Variants in LRRC4B observed in about 807,000 individuals in gnomAD.
LRRC4B encodes the protein leucine-rich repeat-containing protein 4B.
LRRC4B carries 1 observed loss-of-function variant against 7.3 expected under a neutral mutation model. The ratio of observed to expected loss-of-function variants is 0.14; its 90% CI spans 0.05 to 0.65. The LOEUF (loss-of-function observed/expected upper bound fraction) is 0.65. Among genes scored for constraint, LRRC4B ranks in the 30% least tolerant of loss-of-function variants. The pLI, the probability that LRRC4B is intolerant of heterozygous loss-of-function variation, is 0.84. For synonymous variants in LRRC4B, 500 were observed against 499.2 expected (o/e 1.00, Z -0.02); for missense variants, 730 against 1,041.6 (o/e 0.70, Z 4.12).
At chr19:50,543,852 CAAAAAAAAAAAAA>C (rs36044151) in intron 2 of LRRC4B, among the ~76,000 whole-genome samples, 2 of 83,382 alleles carry the variant, frequency 2.4e-5, no homozygotes, top group Non-Finnish European at 4.7e-5. Context: ...GCCTCCATCT[CAAAAAAAAAAAAA>C]AAAAAAAAGA....
intron 1 of LRRC4B, among the ~76,000 whole-genome samples, chr19:50,566,900 G>A (rs1390068078): frequency 6.6e-6 from 1 of 151,088 alleles, no homozygotes; most frequent in African/African-American, 2.4e-5. Flanking sequence ...GGGGAGAAAG[G>A]GGAGAGGCTG....
rs950181589 is a variant in LRRC4B, at chr19:50,556,801, G to A, written c.-35-7928C>T. On this transcript the variant is annotated intron_variant, in intron 1 of 2. Transcript: ENST00000652263. The surrounding 1 kb of genome is among the most constrained non-coding windows in gnomAD (Gnocchi z 4.2). ...GCTGGCACCCGAGGCAAGGAGCCCT[G>A]GGTCTCTAGGGAGGCAAGTGTGGGG... Among the ~76,000 whole-genome samples, 9 of 152,152 alleles carry A rather than the reference G, an allele frequency of 5.9e-5. No individual in the cohort carries two copies. The highest frequency in any genetic ancestry group is 1.2e-4 in the Non-Finnish European group (8 of 67,992).
intron 2 of LRRC4B, among the ~76,000 whole-genome samples, chr19:50,531,884 G>A (rs926807766): frequency 1.3e-5 from 2 of 152,180 alleles, no homozygotes; most frequent in South Asian, 2.1e-4. Context: ...CGAGCATGCA[G>A]TAATAGATAT....
At chr19:50,538,225 G>A (rs1422830870) in intron 2 of LRRC4B, among the ~76,000 whole-genome samples, 1 of 152,314 alleles carries the variant, frequency 6.6e-6, no homozygotes, top group South Asian at 2.1e-4. Flanking sequence ...ACCACTCCCA[G>A]ATAATTTTTG....
chr19:50,519,172 C>T lies in LRRC4B; in HGVS notation c.541G>A (p.Val181Met). The T allele has an allele frequency of 6.2e-7, 1 of 1,613,670 alleles. No homozygotes were observed. The highest frequency in any genetic ancestry group is 8.5e-7 in the Non-Finnish European group (1 of 1,179,976). ...ESIPSYAFNR[V>M]PSLRRLDLGE... is the part of the protein sequence containing the mutation. ...AGGTCCAGGCGCCGCAGCGAGGGCA[C>T]GCGGTTGAAGGCGTAGGAGGGGATG... The change falls in exon 3 of 3, where the codon GTG (valine) becomes ATG (methionine). Residue 181 changes from valine (V) to methionine (M), a missense_variant. Val to Met is a conservative substitution (Grantham distance 21, BLOSUM62 1). Transcript: ENST00000652263. This position sits in a 1 kb window ranked among gnomAD's most constrained non-coding sequence, Gnocchi z 8.1.
At chr19:50,542,952 G>T (rs1568728080) in intron 2 of LRRC4B, among the ~76,000 whole-genome samples, 4 of 152,118 alleles carry the variant, frequency 2.6e-5, no homozygotes, top group Admixed American at 2.6e-4. Flanking sequence ...GTCCCCGCGA[G>T]GTTCTTGCTG....
At chr19:50,534,951 C>G (rs1308355774) in intron 2 of LRRC4B, among the ~76,000 whole-genome samples, 1 of 152,124 alleles carries the variant, frequency 6.6e-6, no homozygotes, top group African/African-American at 2.4e-5. Flanking sequence ...TCACTGCAAC[C>G]TCTGCCTCCC....
At position 50,548,797 on chromosome 19, in the gene LRRC4B, G is replaced by A. The variant is rs536834749; in HGVS notation, c.42C>T (p.Pro14=). The A allele has an allele frequency of 8.5e-5, 129 of 1,515,384 alleles. No homozygotes were observed. Among genetic ancestry groups the A allele is most frequent in the South Asian group, 7.8e-4 (63 of 80,506 alleles). 93.9% of individuals were successfully genotyped at this position (1,515,384 alleles called of 1,614,324 possible). A position where few individuals can be genotyped will look rare whatever the true frequency, so the allele number is the denominator to read the frequency against. Residue 14 remains proline (P), a synonymous_variant, in exon 2 of 3, where the codon CCC becomes CCT. Coordinates refer to ENST00000652263, the MANE Select transcript of LRRC4B (RefSeq NM_001080457.2). The surrounding 1 kb of genome is among the most constrained non-coding windows in gnomAD (Gnocchi z 6.8). ...CCCCGTGGGGCCAGGACATCCTACCGGGCGGCAGCGGGGGGCACGGGGAGC... is the reference window on the plus strand; with the variant it reads ...CCCCGTGGGGCCAGGACATCCTACCAGGCGGCAGCGGGGGGCACGGGGAGC... ...ARGSPCPPLP[P]GRMSWPHGAL... is the part of the protein sequence containing the mutation.
intron 2 of LRRC4B, among the ~76,000 whole-genome samples, chr19:50,520,119 T>G (rs1980489205): frequency 7.3e-6 from 1 of 136,738 alleles, no homozygotes; most frequent in Non-Finnish European, 1.5e-5. Flanking sequence ...GGTGGGAGGA[T>G]TGCGTGAGCC....
Position 50,537,504 on chromosome 19 carries a change from C to T in LRRC4B, c.297+11038G>A, listed in dbSNP as rs890551557. 3.9e-5 allele frequency among the ~76,000 whole-genome samples: 6 copies of T among 152,132 alleles called. No homozygotes were observed. The highest frequency in any genetic ancestry group is 7.4e-5 in the Non-Finnish European group (5 of 68,026). Reference sequence around the variant, plus strand: ...AGCGTCATTCGTGGAGGGGAGAACGCGGGTCTTGTGCCTCTCAGGACTCGC... The same window carrying T: ...AGCGTCATTCGTGGAGGGGAGAACGTGGGTCTTGTGCCTCTCAGGACTCGC... On this transcript the variant is annotated intron_variant, in intron 2 of 2. Transcript: ENST00000652263. This position sits in a 1 kb window ranked among gnomAD's most constrained non-coding sequence, Gnocchi z 5.5.
intron 2 of LRRC4B, among the ~76,000 whole-genome samples, chr19:50,526,470 G>A (rs953905192): frequency 2.0e-5 from 3 of 152,190 alleles, no homozygotes; most frequent in Non-Finnish European, 4.4e-5. Flanking sequence ...GAGTCCAGGT[G>A]CCTCCAGGGA....
chr19:50,550,370 C>T (rs1205141108), intron 1 of LRRC4B, among the ~76,000 whole-genome samples: 1 of 152,004 alleles, frequency 6.6e-6, no homozygotes, highest in Non-Finnish European at 1.5e-5. Flanking sequence ...CCCAAGAGAC[C>T]AGGAGGAGGG....
chr19:50,548,489 T>G lies in LRRC4B; in HGVS notation c.297+53A>C. ...CCAGAAGGGATGGGCTACATCTGCA[T>G]GCCTCCCCAGTGTCCCCTCCAAGGT... On this transcript the variant is annotated intron_variant, in intron 2 of 2. Transcript: ENST00000652263. The surrounding 1 kb of genome is among the most constrained non-coding windows in gnomAD (Gnocchi z 6.8). 3 of 1,546,902 alleles carry G rather than the reference T, an allele frequency of 1.9e-6. No individual in the cohort carries two copies. Among genetic ancestry groups the G allele is most frequent in the Non-Finnish European group, 2.6e-6 (3 of 1,153,186 alleles).
chr19:50,540,826 T>G (rs1981506864), intron 2 of LRRC4B, among the ~76,000 whole-genome samples: 1 of 151,844 alleles, frequency 6.6e-6, no homozygotes, highest in African/African-American at 2.4e-5. Flanking sequence ...TCCCACTGAT[T>G]CTACATTATA....
intron 1 of LRRC4B, among the ~76,000 whole-genome samples, chr19:50,549,822 C>T (rs1313841215): frequency 6.6e-6 from 1 of 152,104 alleles, no homozygotes; most frequent in Non-Finnish European, 1.5e-5. Flanking sequence ...CGATGGGACT[C>T]ATGCCAGCTG....
In LRRC4B at chr19:50,553,293, T is replaced by A. The variant is rs1818821826; in HGVS notation, c.-35-4420A>T. ...TATCCTGTCAACACCCCATGGACCC[T>A]GCCCCGCCTCTGCTCCACAGCCTTC... On this transcript the variant is annotated intron_variant, in intron 1 of 2. Coordinates refer to ENST00000652263, the MANE Select transcript of LRRC4B (RefSeq NM_001080457.2). This position sits in a 1 kb window ranked among gnomAD's most constrained non-coding sequence, Gnocchi z 4.2. Among the ~76,000 whole-genome samples the A allele has an allele frequency of 2.0e-5, 3 of 152,094 alleles. No homozygotes were observed. The highest frequency in any genetic ancestry group is 7.2e-5 in the African/African-American group (3 of 41,426).
chr19:50,526,856 C>CTT lies in LRRC4B; in HGVS notation c.298-7443_298-7442dup, dbSNP rs34995756. On this transcript the variant is annotated intron_variant, in intron 2 of 2. Transcript: ENST00000652263. Reference sequence around the variant, plus strand: ...GGATATATTTTTTCATTATCTTTTACTTTTTTTTTTTTTTTGAGATAGAGT... The same window carrying CTT: ...GGATATATTTTTTCATTATCTTTTACTTTTTTTTTTTTTTTTTGAGATAGAGT... Among the ~76,000 whole-genome samples, 208 of 138,508 alleles carry CTT rather than the reference C, an allele frequency of 1.5e-3. 3 individuals carry two copies. Among genetic ancestry groups the CTT allele is most frequent in the African/African-American group, 3.0e-3 (117 of 38,426 alleles). The allele number at this position is 138,508 out of a possible 152,430, so 90.9% of individuals were successfully genotyped here. A position where few individuals can be genotyped will look rare whatever the true frequency, so the allele number is the denominator to read the frequency against.
chr19:50,518,350 C>A lies in LRRC4B; in HGVS notation c.1363G>T (p.Ala455Ser). ...CCCCCGGCCGCCACGGGGTCCACGG[C>A]CGAGACGTTGAGCGTGGCCGAGGCG... Reference protein sequence around the residue: ...TTASATLNVSAVDPVAAGGTG... With the variant: ...TTASATLNVSSVDPVAAGGTG... The change falls in exon 3 of 3, where the codon GCC becomes TCC. Residue 455 changes from alanine to serine, a missense_variant. Around this residue, in one of 6 missense-constraint regions of LRRC4B, gnomAD observed 192 missense variants for 228.6 expected, o/e 0.84. Coordinates refer to ENST00000652263, the MANE Select transcript of LRRC4B (RefSeq NM_001080457.2). 1.2e-6 allele frequency: 2 copies of A among 1,605,372 alleles called. No individual in the cohort carries two copies. The highest frequency in any genetic ancestry group is 1.7e-6 in the Non-Finnish European group (2 of 1,176,948).
At chr19:50,567,507 GC>G (rs890270911) in intron 1 of LRRC4B, among the ~76,000 whole-genome samples, 10 of 150,878 alleles carry the variant, frequency 6.6e-5, no homozygotes, top group South Asian at 2.1e-4. Context: ...TCACTGGCGT[GC>G]CCCCCCCACC....
Sources: allele counts gnomAD v4.1 joint callset (sites outside exome capture counted in the v4.1 genomes callset), GRCh38; gene constraint gnomAD v4.1.1; regional missense constraint gnomAD v4.1.1; non-coding constraint Gnocchi (gnomAD v3.1); transcripts MANE v1.5; gene names NCBI Gene and HGNC (gene_info 2026-07-23, HGNC 2026-07-21).